Variants in SRSF9 observed in about 807,000 individuals in gnomAD.
SRSF9 encodes serine/arginine-rich splicing factor 9.
A neutral mutation model predicts 25.9 loss-of-function variants in SRSF9; 3 were observed. The observed-to-expected ratio is 0.12, with a 90% CI of 0.05 to 0.30. The LOEUF (loss-of-function observed/expected upper bound fraction) is 0.30. SRSF9 is among the 10% of genes least tolerant of loss of function. SRSF9 has a pLI of 1.00. For missense variants in SRSF9, 161 were observed against 303.5 expected (o/e 0.53, Z 3.49); for synonymous variants, 114 against 113.2 (o/e 1.01, Z -0.05).
rs892848039 is a variant in SRSF9 at position 120,465,434 on chromosome 12, T to G, written c.349+193A>C. 5 of 496,178 alleles carry G rather than the reference T, an allele frequency of 1.0e-5. No homozygotes were observed. In the Admixed American group the frequency reaches 2.2e-4, roughly 22 times the overall value. 30.7% of individuals were successfully genotyped at this position (496,178 alleles called of 1,614,324 possible). A position where few individuals can be genotyped will look rare whatever the true frequency, so the allele number is the denominator to read the frequency against. ...AAATATGGTTATGTTCTTCCAAGGCTGCACTCCCAGCGCAATTTCATTTGC... is the reference window on the plus strand; with the variant it reads ...AAATATGGTTATGTTCTTCCAAGGCGGCACTCCCAGCGCAATTTCATTTGC... On this transcript the variant is annotated intron_variant, in intron 2 of 3. Coordinates refer to ENST00000229390, the MANE Select transcript of SRSF9 (RefSeq NM_003769.3).
chr12:120,468,453 G>C (rs1878539451), intron 1 of SRSF9, among the ~76,000 whole-genome samples: 1 of 152,222 alleles, frequency 6.6e-6, no homozygotes, highest in African/African-American at 2.4e-5. Context: ...CTAGGGATGA[G>C]CTGTCAGAGT....
At chr12:120,467,152 C>T (rs908363328) in intron 1 of SRSF9, among the ~76,000 whole-genome samples, 3 of 151,720 alleles carry the variant, frequency 2.0e-5, no homozygotes, top group Non-Finnish European at 2.9e-5. Flanking sequence ...ACCTTGACTA[C>T]GTAAAATGCA....
chr12:120,465,600 A>C (rs1325551140), intron 2 of SRSF9, 27 bp downstream of exon 2: 1 of 1,564,320 alleles, frequency 6.4e-7, no homozygotes, highest in Non-Finnish European at 8.6e-7. Context: ...TACATGTATC[A>C]TCTCATTCTG....
chr12:120,463,359 G>A (rs993357340), intron 3 of SRSF9: 1 of 151,988 alleles, frequency 6.6e-6, no homozygotes, highest in Non-Finnish European at 1.5e-5. Context: ...CTTGGGCCCA[G>A]GAGTTCAAGG....
At chr12:120,464,913 C>T (rs947385742) in intron 2 of SRSF9, 5 of 152,152 alleles carry the variant, frequency 3.3e-5, no homozygotes, top group African/African-American at 1.2e-4. Flanking sequence ...TAAAAAATTA[C>T]AAAGGGACAC....
At chr12:120,462,428 C>CAATT (rs1330680124) in intron 3 of SRSF9, 1 of 329,504 alleles carries the variant, frequency 3.0e-6, no homozygotes, top group African/African-American at 2.1e-5. Flanking sequence ...TGTTGATACT[C>CAATT]AATTAACTAT....
rs748728409 is a variant in SRSF9, at chr12:120,465,698, C to T, written c.278G>A (p.Arg93Gln). 14 of 1,604,460 alleles carry T rather than the reference C, an allele frequency of 8.7e-6. No individual in the cohort carries two copies. The highest frequency in any genetic ancestry group is 1.0e-5 in the Non-Finnish European group (12 of 1,176,918). The change falls in exon 2 of 4, where the codon CGG becomes CAG. Residue 93 changes from arginine (R) to glutamine (Q), a missense_variant. Around this residue, in one of 3 missense-constraint regions of SRSF9, gnomAD observed 99 missense variants for 156.7 expected, o/e 0.63. Coordinates refer to ENST00000229390, the MANE Select transcript of SRSF9 (RefSeq NM_003769.3). ...RVEFPRTYGG[R>Q]GGWPRGGRNG... ...CCTCCCACCACGGGGCCACCCACCC[C>T]GACCTCCATAAGTCCTGGGGAACTC...
rs528772255 is a variant in SRSF9, at chr12:120,469,576, C to T, written c.34G>A (p.Gly12Ser). The T allele has an allele frequency of 1.3e-5, 20 of 1,555,316 alleles. No individual in the cohort carries two copies. The South Asian group carries it at 1.3e-4, about 10-fold the overall frequency. ...TTCCCCACGTAGATGCGCCCGTCGC[C>T]CTCGCCGCCGCGCTCGTCCGCCCAG... is the stretch of plus-strand genomic sequence containing the variant. The part of the protein sequence containing the change: ...SGWADERGGE[G>S]DGRIYVGNLP... Residue 12 changes from glycine (G) to serine (S), a missense_variant, in exon 1 of 4, where the codon GGC becomes AGC. By Grantham distance (56) the Gly-to-Ser change is moderately conservative. Around this residue, in one of 3 missense-constraint regions of SRSF9, gnomAD observed 99 missense variants for 156.7 expected, o/e 0.63. Coordinates refer to ENST00000229390, the MANE Select transcript of SRSF9 (RefSeq NM_003769.3).
At position 120,461,920 on chromosome 12, in the gene SRSF9, A is replaced by G; in HGVS notation, c.*99T>C. ...TCTTTAAAAAAAAAAAATTAAAAAA[A>G]TTTCCTAAGACACTAAATCCTCAAT... On this transcript the variant is annotated 3_prime_UTR_variant, in exon 4 of 4. Transcript: ENST00000229390. 7.9e-7 allele frequency: 1 copy of G among 1,264,086 alleles called. No individual in the cohort carries two copies. 78.3% of individuals were successfully genotyped at this position (1,264,086 alleles called of 1,614,324 possible).
At chr12:120,468,844 G>A (rs1215872775) in intron 1 of SRSF9, among the ~76,000 whole-genome samples, 1 of 152,152 alleles carries the variant, frequency 6.6e-6, no homozygotes, top group East Asian at 1.9e-4. Context: ...AGTGAAATCA[G>A]AGCCCCACTC....
Position 120,462,537 on chromosome 12 carries a change from T to C in SRSF9, c.523-375A>G, listed in dbSNP as rs992257754. 1.8e-5 allele frequency: 3 copies of C among 167,712 alleles called. No homozygotes were observed. The Admixed American group carries it at 1.8e-4, about 10-fold the overall frequency. 10.4% of individuals were successfully genotyped at this position (167,712 alleles called of 1,614,324 possible). A position where few individuals can be genotyped will look rare whatever the true frequency, so the allele number is the denominator to read the frequency against. On this transcript the variant is annotated intron_variant, in intron 3 of 3. Coordinates refer to ENST00000229390, the MANE Select transcript of SRSF9 (RefSeq NM_003769.3). ...TATAGTTTAATCCCCTGCCACCTCA[T>C]GTATGCATCTTTGGATGGGCATCTA...
chr12:120,465,940 T>G (rs1024328614), intron 1 of SRSF9, among the ~76,000 whole-genome samples, 153 bp from the exon 2 acceptor site: 1 of 152,174 alleles, frequency 6.6e-6, no homozygotes, highest in Admixed American at 6.5e-5. Context: ...GAAGCACTTC[T>G]GCTTTGGTTT....
At chr12:120,462,217 G>T in intron 3 of SRSF9, 55 bp from the exon 4 acceptor site, 3 of 1,543,534 alleles carry the variant, frequency 1.9e-6, no homozygotes, top group South Asian at 2.4e-5. Flanking sequence ...AGAGCCAGAA[G>T]AATAAGCAAA....
intron 2 of SRSF9, chr12:120,464,410 CTCTT>C (rs563487108): frequency 2.3e-5 from 6 of 258,380 alleles, no homozygotes; most frequent in Non-Finnish European, 3.7e-5. Flanking sequence ...AATTCATAGC[CTCTT>C]TCTTTGTCCT....
At chr12:120,469,053 G>C (rs1878563798) in intron 1 of SRSF9, among the ~76,000 whole-genome samples, 1 of 152,014 alleles carries the variant, frequency 6.6e-6, no homozygotes, top group African/African-American at 2.4e-5. Context: ...AGGGCGAACG[G>C]CGACCCCCGC....
rs141506018 is a variant in SRSF9, at chr12:120,463,937, G to C, written c.522+13C>G. ...TTTGAGTACAAGCTCCTCAACAGAA[G>C]GCAAGGACCCACCTCATGAGAGCGG... On this transcript the variant is annotated intron_variant, in intron 3 of 3. Coordinates refer to ENST00000229390, the MANE Select transcript of SRSF9 (RefSeq NM_003769.3). 1.0e-5 allele frequency: 16 copies of C among 1,596,670 alleles called. No homozygotes were observed. In the African/African-American group the frequency reaches 2.0e-4, roughly 20 times the overall value.
rs758563528 is a variant in SRSF9, at chr12:120,469,618, C to T, written c.-9G>A. The stretch of plus-strand genomic sequence containing the variant: ...TCCGCCCAGCCCGACATCCGCACCG[C>T]CCGACGCCGCGGGCCCGCCGCAGCC... On this transcript the variant is annotated 5_prime_UTR_variant, in exon 1 of 4. Transcript: ENST00000229390. The T allele has an allele frequency of 7.8e-6, 11 of 1,408,748 alleles. No individual in the cohort carries two copies. Among genetic ancestry groups the T allele is most frequent in the Non-Finnish European group, 1.0e-5 (11 of 1,083,434 alleles). 87.3% of individuals were successfully genotyped at this position (1,408,748 alleles called of 1,614,324 possible). A position where few individuals can be genotyped will look rare whatever the true frequency, so the allele number is the denominator to read the frequency against.
Position 120,461,733 on chromosome 12 carries a change from G to C in SRSF9, c.*286C>G, listed in dbSNP as rs1036507635. 1 of 239,654 alleles carries C rather than the reference G, an allele frequency of 4.2e-6. No homozygotes were observed. Among genetic ancestry groups the C allele is most frequent in the Non-Finnish European group, 7.9e-6 (1 of 126,278 alleles). 14.8% of individuals were successfully genotyped at this position (239,654 alleles called of 1,614,324 possible). ...GGCCGACTCAGTCACAGTAACTGTT[G>C]ATCTCCATAGTAGAGCAACCCACAA... On this transcript the variant is annotated 3_prime_UTR_variant, in exon 4 of 4. Coordinates refer to ENST00000229390, the MANE Select transcript of SRSF9 (RefSeq NM_003769.3).
At chr12:120,465,485 A>AG (rs1878461679) in intron 2 of SRSF9, 142 bp downstream of exon 2, 1 of 886,262 alleles carries the variant, frequency 1.1e-6, no homozygotes, top group Admixed American at 4.2e-5. Flanking sequence ...TTGGCAATCC[A>AG]GGGCAAGGCT....
Sources: gnomAD v4.1 joint callset for allele counts (sites outside exome capture counted in the v4.1 genomes callset) on GRCh38, gnomAD v4.1.1 for gene constraint, gnomAD v4.1.1 regional missense constraint, MANE v1.5 for transcripts, NCBI Gene and HGNC (gene_info 2026-07-23, HGNC 2026-07-21) for gene names.